Variants in ALDH3A1 observed in about 807,000 individuals in gnomAD.
ALDH3A1 encodes aldehyde dehydrogenase, dimeric NADP-preferring.
Under a neutral mutation model 49.9 loss-of-function variants are expected in ALDH3A1, and 46 were observed. That is an observed-to-expected ratio of 0.92 (90% confidence interval 0.73 to 1.18). The LOEUF (loss-of-function observed/expected upper bound fraction) is 1.18, where lower values mean the gene tolerates loss of function less well. Ranked by LOEUF, ALDH3A1 falls within the 50% of genes most tolerant of loss-of-function variation. The pLI, the probability that ALDH3A1 is intolerant of heterozygous loss-of-function variation, is 0.00. For missense variants in ALDH3A1, 592 were observed against 611.8 expected (o/e 0.97, Z 0.34); for synonymous variants, 269 against 253.3 (o/e 1.06, Z -0.59).
chr17:19,746,642 T>TGC (rs1465017931), intron 1 of ALDH3A1, among the ~76,000 whole-genome samples: 6 of 136,108 alleles, frequency 4.4e-5, no homozygotes, highest in African/African-American at 2.1e-4. Flanking sequence ...TGTGTGCGTG[T>TGC]GCGTGTGTGT....
rs192673104 is a variant in ALDH3A1 at position 19,743,667 on chromosome 17, G to C, written c.163-204C>G. ...GGTCTGAGAGGACCCCTTTCTGCCA[G>C]AGGGGGGCCCAGGTAGGTTTGCGGC... On this transcript the variant is annotated intron_variant, in intron 2 of 10. Transcript: ENST00000225740. This position sits in a 1 kb window ranked among gnomAD's most constrained non-coding sequence, Gnocchi z 4.4. 1,702 of 985,374 alleles carry C rather than the reference G, an allele frequency of 1.7e-3. 21 individuals carry two copies. The African/African-American group carries it at 0.027, about 16-fold the overall frequency. The allele number at this position is 985,374 out of a possible 1,614,324, so 61.0% of individuals were successfully genotyped here. A position where few individuals can be genotyped will look rare whatever the true frequency, so the allele number is the denominator to read the frequency against.
At chr17:19,742,702 C>T (rs368173034) in intron 3 of ALDH3A1, 72 bp from the exon 4 acceptor site, 19 of 1,607,618 alleles carry the variant, frequency 1.2e-5, no homozygotes, top group East Asian at 8.9e-5. Context: ...AAGGACCACA[C>T]CTGAAGCCTC....
chr17:19,744,943 GA>G, intron 2 of ALDH3A1, 24 bp downstream of exon 2: 1 of 1,268,612 alleles, frequency 7.9e-7, no homozygotes. Flanking sequence ...GACACTGGCA[GA>G]AGGCGGCCGC....
At chr17:19,740,226 C>A (rs1040644334) in intron 7 of ALDH3A1, 110 bp downstream of exon 7, 7 of 1,466,048 alleles carry the variant, frequency 4.8e-6, no homozygotes, top group African/African-American at 1.4e-5. Flanking sequence ...CAATTTATAC[C>A]CATCCCGAGG....
chr17:19,745,171 A>G (rs772284661), intron 1 of ALDH3A1, 37 bp from the exon 2 acceptor site: 2 of 1,529,464 alleles, frequency 1.3e-6, no homozygotes, highest in African/African-American at 1.4e-5. Flanking sequence ...GCTGAGGGGC[A>G]CGAGCGCGCC....
chr17:19,741,929 C>A, intron 5 of ALDH3A1, 75 bp downstream of exon 5: 2 of 1,445,194 alleles, frequency 1.4e-6, no homozygotes, highest in Non-Finnish European at 9.6e-7. Flanking sequence ...AGTGGACCCA[C>A]AGCATGAGGT....
At chr17:19,746,624 CGT>C (rs375726934) in intron 1 of ALDH3A1, among the ~76,000 whole-genome samples, 5,586 of 147,408 alleles carry the variant, frequency 0.038, 239 homozygotes, top group East Asian at 0.12. Flanking sequence ...TGTGTGTGTG[CGT>C]GTGTGTGTGT....
chr17:19,739,714 C>T (rs1167378691), intron 7 of ALDH3A1, 40 bp from the exon 8 acceptor site: 1 of 1,603,776 alleles, frequency 6.2e-7, no homozygotes, highest in Non-Finnish European at 8.5e-7. Context: ...GGCGCAGAGA[C>T]CCCCACGCGG....
intron 5 of ALDH3A1, among the ~76,000 whole-genome samples, chr17:19,741,527 G>A (rs1319229419): frequency 1.3e-5 from 2 of 152,174 alleles, no homozygotes; most frequent in African/African-American, 2.4e-5. Context: ...TGGGGCCACA[G>A]ATGTGGGATA....
rs199778751 is a variant in ALDH3A1 at position 19,740,388 on chromosome 17, C to A, written c.897G>T (p.Glu299Asp). The A allele has an allele frequency of 6.2e-7, 1 of 1,614,146 alleles. No homozygotes were observed. ...TGCCCCCATAAGCCACCTTCTGGCC[C>A]TCAATCAGGCCCATCACCCTCTGGA... ...RHFQRVMGLI[E>D]GQKVAYGGTG... The change falls in exon 7 of 11, where the codon GAG becomes GAT. Residue 299 changes from glutamate (E) to aspartate (D), a missense_variant. By Grantham distance (45) the Glu-to-Asp change is conservative. Coordinates refer to ENST00000225740, the MANE Select transcript of ALDH3A1 (RefSeq NM_000691.5).
chr17:19,739,170 G>A (rs965599570), intron 8 of ALDH3A1, 75 bp from the exon 9 acceptor site: 6 of 1,330,102 alleles, frequency 4.5e-6, no homozygotes, highest in Middle Eastern at 1.8e-4. Flanking sequence ...ACCCTGCCTG[G>A]GTATAGCCTG....
Position 19,742,194 on chromosome 17 carries a change from T to C in ALDH3A1, c.499A>G (p.Asn167Asp). The C allele has an allele frequency of 6.2e-7, 1 of 1,613,964 alleles. No individual in the cohort carries two copies. Among genetic ancestry groups the C allele is most frequent in the Non-Finnish European group, 8.5e-7 (1 of 1,179,978 alleles). The change falls in exon 5 of 11, where the codon AAT (asparagine) becomes GAT (aspartate). Residue 167 changes from asparagine (N) to aspartate (D), a missense_variant. Coordinates refer to ENST00000225740, the MANE Select transcript of ALDH3A1 (RefSeq NM_000691.5). The part of the protein sequence containing the change: ...YLDKDLYPVI[N>D]GGVPETTELL... ...TCCGTGGTCTCAGGGACACCCCCAT[T>C]GATTACTGGGTACAGATCCTTCCAT...
Position 19,740,377 on chromosome 17 carries a change from A to G in ALDH3A1, c.908T>C (p.Val303Ala), listed in dbSNP as rs1456357677. The G allele has an allele frequency of 1.5e-5, 24 of 1,614,040 alleles. No individual in the cohort carries two copies. Among genetic ancestry groups the G allele is most frequent in the Non-Finnish European group, 1.9e-5 (23 of 1,180,002 alleles). ...GGCATCCCCGGTGCCCCCATAAGCC[A>G]CCTTCTGGCCCTCAATCAGGCCCAT... ...RVMGLIEGQK[V>A]AYGGTGDAAT... Residue 303 changes from valine (V) to alanine (A), a missense_variant, in exon 7 of 11, where the codon GTG becomes GCG. Val to Ala is a moderately conservative substitution (Grantham distance 64). Transcript: ENST00000225740.
At chr17:19,741,858 C>T in intron 5 of ALDH3A1, 146 bp downstream of exon 5, 1 of 800,496 alleles carries the variant, frequency 1.2e-6, no homozygotes, top group Non-Finnish European at 2.0e-6. Context: ...CACCCCTACC[C>T]CCATGTAAGT....
Position 19,739,670 on chromosome 17 carries a change from G to A in ALDH3A1, c.954C>T (p.Pro318=), listed in dbSNP as rs2086455402. 1 of 1,613,472 alleles carries A rather than the reference G, an allele frequency of 6.2e-7. No individual in the cohort carries two copies. The highest frequency in any genetic ancestry group is 1.3e-5 in the African/African-American group (1 of 75,026). Residue 318 remains proline (P), a synonymous_variant, in exon 8 of 11, where the codon CCC becomes CCT. Transcript: ENST00000225740. The part of the protein sequence containing the change: ...TGDAATRYIA[P]TILTDVDPQS... Reference sequence around the variant, plus strand: ...GGGGGTCCACGTCCGTGAGGATGGTGGGGGCTGAGGCAGGAAACAAGCCAG... The same window carrying A: ...GGGGGTCCACGTCCGTGAGGATGGTAGGGGCTGAGGCAGGAAACAAGCCAG...
intron 2 of ALDH3A1, 57 bp downstream of exon 2, chr17:19,744,911 C>CCCCCCCCCCCCA: frequency 9.0e-7 from 1 of 1,112,688 alleles, no homozygotes; most frequent in Non-Finnish European, 1.2e-6. Context: ...GCCCCTCCCC[C>CCCCCCCCCCCCA]CACGCCCCAT....
intron 8 of ALDH3A1, among the ~76,000 whole-genome samples, 162 bp downstream of exon 8, chr17:19,739,346 G>A (rs1294844260): frequency 6.6e-6 from 1 of 152,200 alleles, no homozygotes; most frequent in African/African-American, 2.4e-5. Context: ...GTGCCCTCAG[G>A]TGATGCTGCT....
chr17:19,744,240 C>G, intron 2 of ALDH3A1: 4 of 693,412 alleles, frequency 5.8e-6, no homozygotes, highest in Non-Finnish European at 7.1e-6. Flanking sequence ...CCTGTCTCTA[C>G]TAAAAATACA....
Position 19,744,702 on chromosome 17 carries a change from G to A in ALDH3A1, c.162+266C>T, listed in dbSNP as rs2086564652. ...GGGAGGACCAGAAGTTCAGGGTGTC[G>A]GGGCAGCAGGAAGTTGAAATGGGGG... On this transcript the variant is annotated intron_variant, in intron 2 of 10. Transcript: ENST00000225740. The A allele has an allele frequency of 7.4e-5, 99 of 1,338,796 alleles. No individual in the cohort carries two copies. The South Asian group carries it at 1.7e-3, about 23-fold the overall frequency. 82.9% of individuals were successfully genotyped at this position (1,338,796 alleles called of 1,614,324 possible).
Sources: gnomAD v4.1 joint callset for allele counts (sites outside exome capture counted in the v4.1 genomes callset) on GRCh38, gnomAD v4.1.1 for gene constraint, Gnocchi (gnomAD v3.1) non-coding constraint, MANE v1.5 for transcripts, NCBI Gene and HGNC (gene_info 2026-07-23, HGNC 2026-07-21) for gene names.